Variants in CSNK1A1 observed in about 807,000 individuals in gnomAD.
CSNK1A1 encodes casein kinase 1 alpha 1, also known as casein kinase I isoform alpha.
CSNK1A1 carries 7 observed loss-of-function variants against 46.1 expected under a neutral mutation model. The ratio of observed to expected loss-of-function variants is 0.15; its 90% CI spans 0.09 to 0.29. The LOEUF (loss-of-function observed/expected upper bound fraction) is 0.29. Ranked by LOEUF, CSNK1A1 falls within the 10% of genes least tolerant of loss-of-function variation. The pLI, the probability that CSNK1A1 is intolerant of heterozygous loss-of-function variation, is 1.00. For missense variants in CSNK1A1, 96 were observed against 417.1 expected (o/e 0.23, Z 6.71); for synonymous variants, 137 against 141.5 (o/e 0.97, Z 0.23).
intron 2 of CSNK1A1, among the ~76,000 whole-genome samples, chr5:149,536,665 A>G (rs145759375): frequency 0.01 from 1,597 of 152,330 alleles, 23 homozygotes; most frequent in African/African-American, 0.036. Context: ...TACAACCTCA[A>G]AGAAAGAAAA....
chr5:149,493,643 C>T lies in CSNK1A1; in HGVS notation c.*3210G>A, dbSNP rs1748456202. On this transcript the variant is annotated 3_prime_UTR_variant, in exon 10 of 10. Transcript: ENST00000377843. ...ACTGCTAAAAAAAAAAAAAGATTGT[C>T]ATTAAGAATATTACAATAGAAATGG... is the stretch of plus-strand genomic sequence containing the variant. 1 of 151,576 alleles carries T rather than the reference C, an allele frequency of 6.6e-6. No individual in the cohort carries two copies. The highest frequency in any genetic ancestry group is 1.5e-5 in the Non-Finnish European group (1 of 67,936). The allele number at this position is 151,576 out of a possible 1,614,324, so 9.4% of individuals were successfully genotyped here. A position where few individuals can be genotyped will look rare whatever the true frequency, so the allele number is the denominator to read the frequency against.
At chr5:149,542,656 A>T (rs1407239380) in intron 2 of CSNK1A1, among the ~76,000 whole-genome samples, 2 of 6,496 alleles carry the variant, frequency 3.1e-4, no homozygotes, top group African/African-American at 8.5e-4. Context: ...ATATATATAT[A>T]TATATATATA....
chr5:149,495,049 A>G lies in CSNK1A1; in HGVS notation c.*1804T>C, dbSNP rs1027397950. On this transcript the variant is annotated 3_prime_UTR_variant, in exon 10 of 10. Coordinates refer to ENST00000377843, the MANE Select transcript of CSNK1A1 (RefSeq NM_001892.6). ...AGTATCAAAGGGTTTATTAGTCAAG[A>G]AACAAATACCTCAACCGACAAGGGT... is the stretch of plus-strand genomic sequence containing the variant. 2 of 152,318 alleles carry G rather than the reference A, an allele frequency of 1.3e-5. No individual in the cohort carries two copies. The highest frequency in any genetic ancestry group is 4.8e-5 in the African/African-American group (2 of 41,568). The allele number at this position is 152,318 out of a possible 1,614,324, so 9.4% of individuals were successfully genotyped here.
At chr5:149,527,900 T>C (rs1258282344) in intron 2 of CSNK1A1, among the ~76,000 whole-genome samples, 1 of 152,212 alleles carries the variant, frequency 6.6e-6, no homozygotes, top group Non-Finnish European at 1.5e-5. Flanking sequence ...GTCTCAGCTC[T>C]AGACAGGTTT....
chr5:149,511,941 G>A (rs1254858030), intron 5 of CSNK1A1, 69 bp from the exon 6 acceptor site: 1 of 1,186,892 alleles, frequency 8.4e-7, no homozygotes, highest in South Asian at 1.4e-5. Flanking sequence ...AGAAAGTCAA[G>A]TACCCAGAAG....
intron 2 of CSNK1A1, chr5:149,549,349 A>T (rs1762585903): frequency 3.2e-6 from 2 of 634,690 alleles, no homozygotes; most frequent in African/African-American, 3.6e-5. Flanking sequence ...TAACACTTTT[A>T]AAAGAACTAC....
chr5:149,532,762 T>C (rs1761942343), intron 2 of CSNK1A1, among the ~76,000 whole-genome samples: 1 of 152,134 alleles, frequency 6.6e-6, no homozygotes, highest in East Asian at 1.9e-4. Context: ...GGTTTCCTAC[T>C]TACACTTAAA....
chr5:149,535,559 A>AG (rs2113157812), intron 2 of CSNK1A1, among the ~76,000 whole-genome samples: 1 of 152,344 alleles, frequency 6.6e-6, no homozygotes, highest in South Asian at 2.1e-4. Context: ...AAAGTTTCAG[A>AG]AAGAAAAAAA....
rs138203125 is a variant in CSNK1A1 at position 149,507,474 on chromosome 5, T to A, written c.751-341A>T. Among the ~76,000 whole-genome samples, 761 of 152,236 alleles carry A rather than the reference T, an allele frequency of 5.0e-3. 5 individuals are homozygous for A. The highest frequency in any genetic ancestry group is 0.017 in the African/African-American group (719 of 41,538). On this transcript the variant is annotated intron_variant, in intron 7 of 9. Transcript: ENST00000377843. ...GCGCCTCTTCGTGAACTTTTTTTTT[T>A]TTTAAAGACAGGGTCTCAATCTGTC...
intron 3 of CSNK1A1, among the ~76,000 whole-genome samples, chr5:149,521,265 C>T (rs1283575530): frequency 1.4e-5 from 2 of 147,662 alleles, no homozygotes; most frequent in Non-Finnish European, 3.0e-5. Context: ...TTTGGATTTA[C>T]TCTTCTTTTT....
intron 9 of CSNK1A1, among the ~76,000 whole-genome samples, chr5:149,499,806 G>A (rs925466082): frequency 6.6e-6 from 1 of 152,150 alleles, no homozygotes; most frequent in East Asian, 1.9e-4. Context: ...GGATATTTAC[G>A]TAGCAGTAAG....
chr5:149,547,421 T>A (rs1418794164), intron 2 of CSNK1A1, among the ~76,000 whole-genome samples: 1 of 152,238 alleles, frequency 6.6e-6, no homozygotes, highest in Admixed American at 6.5e-5. Flanking sequence ...GTACTGTACT[T>A]GGGTTTAGCA....
intron 7 of CSNK1A1, 66 bp from the exon 8 acceptor site, chr5:149,507,199 T>G: frequency 8.2e-7 from 1 of 1,216,148 alleles, no homozygotes; most frequent in Non-Finnish European, 1.2e-6. Context: ...TAAATGCATT[T>G]AAGTATAAGC....
At chr5:149,498,763 T>C (rs1245619890) in intron 9 of CSNK1A1, 2 of 985,316 alleles carry the variant, frequency 2.0e-6, no homozygotes, top group Non-Finnish European at 2.4e-6. Flanking sequence ...ATGGTGAATA[T>C]ACCAAATGGC....
At position 149,514,802 on chromosome 5, in the gene CSNK1A1, T is replaced by C. The variant is rs566882996; in HGVS notation, c.457-1593A>G. On this transcript the variant is annotated intron_variant, in intron 4 of 9. Transcript: ENST00000377843. ...ACTGACAGTTGAGCTTCAGTCACCA[T>C]GTCAACGAGATACTGATTTTTACTT... Among the ~76,000 whole-genome samples the C allele has an allele frequency of 1.2e-4, 19 of 152,330 alleles. No individual in the cohort carries two copies. In the South Asian group the frequency reaches 3.5e-3, roughly 28 times the overall value.
chr5:149,498,335 T>C (rs953639083), intron 9 of CSNK1A1: 1 of 985,336 alleles, frequency 1.0e-6, no homozygotes, highest in African/African-American at 1.7e-5. Context: ...AAATGAAAGA[T>C]AACATAACTT....
At chr5:149,544,727 G>A (rs1444233136) in intron 2 of CSNK1A1, among the ~76,000 whole-genome samples, 1 of 65,278 alleles carries the variant, frequency 1.5e-5, no homozygotes, top group Non-Finnish European at 2.5e-5. Context: ...GATGATGAGG[G>A]TAAAGAGCTT....
At chr5:149,523,635 C>G (rs991649076) in intron 3 of CSNK1A1, among the ~76,000 whole-genome samples, 2 of 152,156 alleles carry the variant, frequency 1.3e-5, no homozygotes, top group African/African-American at 4.8e-5. Flanking sequence ...GTGCTGATTA[C>G]AGAAAATGGG....
chr5:149,507,153 A>C lies in CSNK1A1; in HGVS notation c.751-20T>G, dbSNP rs556833761. The C allele has an allele frequency of 2.0e-5, 30 of 1,538,364 alleles. No individual in the cohort carries two copies. In the East Asian group the frequency reaches 6.4e-4, roughly 33 times the overall value. ...AAACCCCTATAGGTTCAAGGGTTAA[A>C]ACAAAGTTAAAAACAAACATTTCAA... On this transcript the variant is annotated intron_variant, in intron 7 of 9. Transcript: ENST00000377843.
Sources: gnomAD v4.1 joint callset for allele counts (sites outside exome capture counted in the v4.1 genomes callset) on GRCh38, gnomAD v4.1.1 for gene constraint, MANE v1.5 for transcripts, NCBI Gene and HGNC (gene_info 2026-07-23, HGNC 2026-07-21) for gene names.